Variants in LHFPL3 observed in about 807,000 individuals in gnomAD.
LHFPL3 encodes the protein LHFPL tetraspan subfamily member 3, also known as LHFPL tetraspan subfamily member 3 protein.
LHFPL3 carries 5 observed loss-of-function variants against 19.3 expected under a neutral mutation model. The observed-to-expected ratio is 0.26, with a 90% CI of 0.14 to 0.54. LHFPL3 has a LOEUF of 0.54. Among genes scored for constraint, LHFPL3 ranks in the 20% least tolerant of loss-of-function variants. The pLI is 0.94. For missense variants in LHFPL3, 249 were observed against 307.4 expected, an observed-to-expected ratio of 0.81 and a Z score of 1.42; for synonymous variants, 133 against 126.2, an observed-to-expected ratio of 1.05 and a Z score of -0.36.
At chr7:104,829,366 C>T (rs999676031) in intron 2 of LHFPL3, among the ~76,000 whole-genome samples, 1 of 151,590 alleles carries the variant, frequency 6.6e-6, no homozygotes, top group Non-Finnish European at 1.5e-5. Context: ...TTTTAGGGTA[C>T]ATGTGCACAA....
intron 2 of LHFPL3, among the ~76,000 whole-genome samples, chr7:104,852,646 C>G (rs1791433386): frequency 6.6e-6 from 1 of 152,294 alleles, no homozygotes; most frequent in Non-Finnish European, 1.5e-5. Flanking sequence ...ATGACCAGTG[C>G]AGTCCCACAG....
intron 1 of LHFPL3, among the ~76,000 whole-genome samples, chr7:104,335,632 G>C: frequency 6.6e-6 from 1 of 152,198 alleles, no homozygotes; most frequent in Non-Finnish European, 1.5e-5. Flanking sequence ...CAATCAACAA[G>C]TTTCCCACTG....
intron 2 of LHFPL3, among the ~76,000 whole-genome samples, chr7:104,847,926 T>A (rs1291231703): frequency 6.6e-6 from 1 of 152,208 alleles, no homozygotes; most frequent in Non-Finnish European, 1.5e-5. Context: ...AAATAACACA[T>A]CTAGTCTGCA....
chr7:104,590,867 A>G (rs1452236488), intron 1 of LHFPL3, among the ~76,000 whole-genome samples: 3 of 152,116 alleles, frequency 2.0e-5, no homozygotes, highest in Non-Finnish European at 2.9e-5. Context: ...CCATTATGTA[A>G]TGGCCTTCTT....
intron 1 of LHFPL3, among the ~76,000 whole-genome samples, chr7:104,522,993 T>C (rs562501713): frequency 1.3e-5 from 2 of 150,784 alleles, no homozygotes; most frequent in Non-Finnish European, 3.0e-5. Context: ...TGTGTGTGTA[T>C]GCACACATAT....
At chr7:104,769,226 C>T (rs1794508766) in intron 2 of LHFPL3, among the ~76,000 whole-genome samples, 1 of 152,218 alleles carries the variant, frequency 6.6e-6, no homozygotes, top group Admixed American at 6.5e-5. Flanking sequence ...GCTGTTCTTA[C>T]TGTCATTAAG....
At chr7:104,829,004 G>A (rs1220042436) in intron 2 of LHFPL3, among the ~76,000 whole-genome samples, 5 of 147,758 alleles carry the variant, frequency 3.4e-5, no homozygotes, top group African/African-American at 7.7e-5. Context: ...CGCTGCCTGC[G>A]TGGGCAACAG....
At chr7:104,874,678 G>GC (rs1265570138) in intron 2 of LHFPL3, among the ~76,000 whole-genome samples, 4 of 151,974 alleles carry the variant, frequency 2.6e-5, no homozygotes. Context: ...CAAAGTGCTG[G>GC]GATTACAGGC....
At chr7:104,854,574 C>T (rs1007042867) in intron 2 of LHFPL3, among the ~76,000 whole-genome samples, 2 of 152,280 alleles carry the variant, frequency 1.3e-5, no homozygotes, top group Admixed American at 6.5e-5. Flanking sequence ...ATGAGAGACT[C>T]TCTTCAACAA....
intron 2 of LHFPL3, among the ~76,000 whole-genome samples, chr7:104,859,962 G>C (rs1791583547): frequency 6.6e-6 from 1 of 152,104 alleles, no homozygotes; most frequent in African/African-American, 2.4e-5. Flanking sequence ...AGGGAACTCT[G>C]TACCTTCTGC....
intron 1 of LHFPL3, among the ~76,000 whole-genome samples, chr7:104,593,982 T>G (rs1211963193): frequency 6.6e-6 from 1 of 151,798 alleles, no homozygotes; most frequent in Non-Finnish European, 1.5e-5. Flanking sequence ...CACTCATGAG[T>G]CTTATCCAGT....
At chr7:104,573,238 C>G (rs558161896) in intron 1 of LHFPL3, among the ~76,000 whole-genome samples, 2 of 152,070 alleles carry the variant, frequency 1.3e-5, no homozygotes, top group East Asian at 3.9e-4. Context: ...CATAGTGAAA[C>G]CCCATCTTTG....
intron 1 of LHFPL3, among the ~76,000 whole-genome samples, chr7:104,559,670 A>T (rs1172367914): frequency 6.6e-6 from 1 of 152,074 alleles, no homozygotes; most frequent in Admixed American, 6.5e-5. Context: ...AATACCCTTT[A>T]TTTCCTTCTC....
chr7:104,842,618 T>C (rs560111440), intron 2 of LHFPL3, among the ~76,000 whole-genome samples: 2 of 152,310 alleles, frequency 1.3e-5, no homozygotes, highest in East Asian at 3.9e-4. Flanking sequence ...ATCTCTTCTG[T>C]CAAAATAATG....
chr7:104,652,608 G>A (rs942599388), intron 1 of LHFPL3, among the ~76,000 whole-genome samples: 1 of 152,074 alleles, frequency 6.6e-6, no homozygotes, highest in Non-Finnish European at 1.5e-5. Context: ...ACTGCAAAGA[G>A]GCCACTAGGA....
At chr7:104,502,891 C>T (rs1422340272) in intron 1 of LHFPL3, among the ~76,000 whole-genome samples, 1 of 152,068 alleles carries the variant, frequency 6.6e-6, no homozygotes, top group African/African-American at 2.4e-5. Context: ...TGATAAGACT[C>T]AGTAATATCT....
At chr7:104,504,306 A>G (rs1215766695) in intron 1 of LHFPL3, among the ~76,000 whole-genome samples, 1 of 152,198 alleles carries the variant, frequency 6.6e-6, no homozygotes, top group Non-Finnish European at 1.5e-5. Context: ...GTCATTGTCA[A>G]TCACGTATTT....
chr7:104,669,420 T>C, intron 1 of LHFPL3: 5 of 1,613,546 alleles, frequency 3.1e-6, no homozygotes, highest in African/African-American at 2.7e-5. Context: ...AGGAGTCAGA[T>C]AGGAAAGATG....
chr7:104,740,698 T>C (rs966636411), intron 2 of LHFPL3, among the ~76,000 whole-genome samples: 1 of 152,174 alleles, frequency 6.6e-6, no homozygotes. Flanking sequence ...TTGTGAGACT[T>C]ACTCATTATC....
Sources: gnomAD v4.1 joint callset for allele counts (sites outside exome capture counted in the v4.1 genomes callset) on GRCh38, gnomAD v4.1.1 for gene constraint, MANE v1.5 for transcripts, NCBI Gene and HGNC (gene_info 2026-07-23, HGNC 2026-07-21) for gene names.